EFCAB13: variants seen among roughly 807,000 people sequenced by gnomAD.
EFCAB13 encodes EF-hand calcium binding domain 13.
Under a neutral mutation model 110.2 loss-of-function variants are expected in EFCAB13, and 91 were observed. That is an observed-to-expected ratio of 0.83 (90% CI 0.70 to 0.98). EFCAB13 has a LOEUF of 0.98. EFCAB13 is among the 50% of genes least tolerant of loss of function. EFCAB13 has a pLI of 0.00. For missense variants in EFCAB13, 968 were observed against 1,119.4 expected, an observed-to-expected ratio of 0.86 and a Z score of 1.93; for synonymous variants, 323 against 369.9, an observed-to-expected ratio of 0.87 and a Z score of 1.45.
chr17:47,427,159 C>T (rs891077705), intron 23 of EFCAB13, among the ~76,000 whole-genome samples: 96 of 152,160 alleles, frequency 6.3e-4, no homozygotes, highest in African/African-American at 2.0e-3. Flanking sequence ...AATGTAAATA[C>T]ATCACGTTTT....
chr17:47,370,421 A>G lies in EFCAB13; in HGVS notation c.806-16A>G. 1.3e-6 allele frequency: 2 copies of G among 1,507,324 alleles called. No individual in the cohort carries two copies. Among genetic ancestry groups the G allele is most frequent in the South Asian group, 2.3e-5 (2 of 87,900 alleles). 93.4% of individuals were successfully genotyped at this position (1,507,324 alleles called of 1,614,324 possible). A position where few individuals can be genotyped will look rare whatever the true frequency, so the allele number is the denominator to read the frequency against. Reference sequence around the variant, plus strand: ...GTTCAAAAGTAAATACAGTATTTGAACTTATTCTATTACAGGTAACCACAT... The same window carrying G: ...GTTCAAAAGTAAATACAGTATTTGAGCTTATTCTATTACAGGTAACCACAT... On this transcript the variant is annotated splice_polypyrimidine_tract_variant and intron_variant, in intron 10 of 24. Coordinates refer to ENST00000331493, the MANE Select transcript of EFCAB13 (RefSeq NM_152347.5).
intron 11 of EFCAB13, among the ~76,000 whole-genome samples, chr17:47,373,455 G>A (rs2065596869): frequency 6.6e-6 from 1 of 152,042 alleles, no homozygotes; most frequent in Non-Finnish European, 1.5e-5. Flanking sequence ...CAGCTATCAG[G>A]AGATTATTGT....
intron 5 of EFCAB13, among the ~76,000 whole-genome samples, chr17:47,336,292 A>ATTT (rs5820651): frequency 7.7e-6 from 1 of 130,510 alleles, no homozygotes; most frequent in Non-Finnish European, 1.6e-5. Flanking sequence ...ACACTCGGCT[A>ATTT]TTTTTTTTTT....
intron 17 of EFCAB13, among the ~76,000 whole-genome samples, chr17:47,399,885 C>A (rs1466940259): frequency 6.6e-6 from 1 of 152,074 alleles, no homozygotes; most frequent in Non-Finnish European, 1.5e-5. Flanking sequence ...TCTCTTGTTT[C>A]TTCTGAAAGA....
intron 23 of EFCAB13, among the ~76,000 whole-genome samples, chr17:47,416,706 T>G (rs1782053970): frequency 1.3e-5 from 2 of 152,216 alleles, no homozygotes; most frequent in Admixed American, 1.3e-4. Context: ...GTTTCTGTGT[T>G]AATGCACTTA....
chr17:47,408,300 A>AAG (rs1330709114), intron 20 of EFCAB13, among the ~76,000 whole-genome samples: 2 of 152,348 alleles, frequency 1.3e-5, no homozygotes, highest in African/African-American at 4.8e-5. Context: ...GTACTGAGAT[A>AAG]GAGTTTACCC....
At chr17:47,415,984 A>G (rs144287324) in intron 23 of EFCAB13, among the ~76,000 whole-genome samples, 205 of 152,244 alleles carry the variant, frequency 1.3e-3, no homozygotes, top group African/African-American at 4.6e-3. Context: ...AGAACTCTTC[A>G]TGGATGCAGA....
chr17:47,371,625 T>C (rs1399972893), intron 11 of EFCAB13, among the ~76,000 whole-genome samples: 1 of 152,070 alleles, frequency 6.6e-6, no homozygotes, highest in Non-Finnish European at 1.5e-5. Context: ...CTGTGTCCAT[T>C]TTTTTTGAGA....
At chr17:47,332,279 T>A (rs1046712264) in intron 4 of EFCAB13, among the ~76,000 whole-genome samples, 10 of 152,182 alleles carry the variant, frequency 6.6e-5, no homozygotes, top group Admixed American at 3.3e-4. Flanking sequence ...TTGAGTTTTT[T>A]ATTATTATTT....
intron 23 of EFCAB13, among the ~76,000 whole-genome samples, chr17:47,426,439 G>C (rs1904961113): frequency 6.6e-6 from 1 of 152,134 alleles, no homozygotes; most frequent in Non-Finnish European, 1.5e-5. Context: ...AACCCAATAA[G>C]ACTTTCCATC....
At chr17:47,429,035 T>C (rs1434251547) in intron 23 of EFCAB13, among the ~76,000 whole-genome samples, 2 of 152,136 alleles carry the variant, frequency 1.3e-5, no homozygotes, top group Admixed American at 6.5e-5. Context: ...TTGGATCACA[T>C]TGGAGCGTGG....
chr17:47,435,911 G>A (rs932530331), intron 24 of EFCAB13, among the ~76,000 whole-genome samples: 6 of 152,050 alleles, frequency 3.9e-5, no homozygotes, highest in African/African-American at 1.2e-4. Flanking sequence ...GTATTATGTC[G>A]GCTGTGGGTT....
rs550515497 is a variant in EFCAB13 at position 47,396,400 on chromosome 17, C to T, written c.1945+423C>T. Among the ~76,000 whole-genome samples the T allele has an allele frequency of 1.4e-4, 22 of 151,866 alleles. No individual in the cohort carries two copies. In the South Asian group the frequency reaches 1.7e-3, roughly 11 times the overall value. The stretch of plus-strand genomic sequence containing the variant: ...AAACACACCTGCTGATAGCTACCAC[C>T]TCTATTTAGCAAGTTAAAAAAAAAA... On this transcript the variant is annotated intron_variant, in intron 17 of 24. Transcript: ENST00000331493.
At chr17:47,439,727 C>G (rs960985298) in intron 24 of EFCAB13, among the ~76,000 whole-genome samples, 3 of 152,014 alleles carry the variant, frequency 2.0e-5, no homozygotes, top group African/African-American at 7.2e-5. Context: ...TCTTGCTCCC[C>G]TAAGAAGCCT....
intron 17 of EFCAB13, among the ~76,000 whole-genome samples, chr17:47,397,025 C>T (rs1212903183): frequency 4.9e-5 from 7 of 144,174 alleles, no homozygotes; most frequent in Admixed American, 2.8e-4. Context: ...TCCCTCTCCC[C>T]CTCCCCCTCC....
At position 47,336,129 on chromosome 17, in the gene EFCAB13, G is replaced by GT. The variant is rs200427848; in HGVS notation, c.191+788dup. ...TCCATGAAATTAAGATATTTGAATA[G>GT]TTTTTTTTTTTTTTTGAGATGGAGC... On this transcript the variant is annotated intron_variant, in intron 5 of 24. Coordinates refer to ENST00000331493, the MANE Select transcript of EFCAB13 (RefSeq NM_152347.5). Among the ~76,000 whole-genome samples, 1,057 of 143,430 alleles carry GT rather than the reference G, an allele frequency of 7.4e-3. 19 individuals carry two copies. The highest frequency in any genetic ancestry group is 0.065 in the East Asian group (320 of 4,918). The allele number at this position is 143,430 out of a possible 152,430, so 94.1% of individuals were successfully genotyped here.
At chr17:47,388,737 T>G (rs2143402995) in intron 14 of EFCAB13, among the ~76,000 whole-genome samples, 1 of 152,330 alleles carries the variant, frequency 6.6e-6, no homozygotes, top group East Asian at 1.9e-4. Context: ...TGTCTTCCTC[T>G]GGACATACAC....
intron 20 of EFCAB13, among the ~76,000 whole-genome samples, chr17:47,404,864 T>C (rs1182811252): frequency 6.6e-6 from 1 of 152,154 alleles, no homozygotes; most frequent in Non-Finnish European, 1.5e-5. Context: ...AAGAGTATGA[T>C]CTTTTCCAAT....
At chr17:47,354,269 T>C (rs2096367263) in intron 9 of EFCAB13, among the ~76,000 whole-genome samples, 1 of 152,216 alleles carries the variant, frequency 6.6e-6, no homozygotes, top group African/African-American at 2.4e-5. Flanking sequence ...CTTAAATTTG[T>C]TGAGGCTTGT....
Sources: allele counts gnomAD v4.1 joint callset (sites outside exome capture counted in the v4.1 genomes callset), GRCh38; gene constraint gnomAD v4.1.1; transcripts MANE v1.5; gene names NCBI Gene and HGNC (gene_info 2026-07-23, HGNC 2026-07-21).